The following KCNQ5 variants were observed in gnomAD, a reference collection of about 807,000 sequenced individuals.
KCNQ5 encodes potassium voltage-gated channel subfamily KQT member 5.
A neutral mutation model predicts 98.2 loss-of-function variants in KCNQ5; 30 were observed. The observed-to-expected ratio is 0.31, with a 90% CI of 0.23 to 0.41. The LOEUF (loss-of-function observed/expected upper bound fraction) is 0.41, where lower values mean the gene tolerates loss of function less well. Among genes scored for constraint, KCNQ5 ranks in the 10% least tolerant of loss-of-function variants. The pLI is 1.00. For missense variants in KCNQ5, 835 were observed against 1,182.5 expected (o/e 0.71, Z 4.31); for synonymous variants, 458 against 449.4 (o/e 1.02, Z -0.24).
chr6:72,988,359 A>G (rs1195495015), intron 1 of KCNQ5, among the ~76,000 whole-genome samples: 1 of 152,230 alleles, frequency 6.6e-6, no homozygotes, highest in Non-Finnish European at 1.5e-5. Flanking sequence ...TTGTCCCAAC[A>G]TGGATGAAAC....
intron 10 of KCNQ5, among the ~76,000 whole-genome samples, chr6:73,167,353 T>C (rs1218307739): frequency 6.6e-6 from 1 of 152,222 alleles, no homozygotes; most frequent in Non-Finnish European, 1.5e-5. Context: ...CCTGACATAT[T>C]GTAGTCACAA....
At chr6:73,055,550 A>T (rs1772446219) in intron 3 of KCNQ5, 1 of 1,450,236 alleles carries the variant, frequency 6.9e-7, no homozygotes, top group Non-Finnish European at 9.7e-7. Flanking sequence ...CTCCTGTGAG[A>T]GTCTGAAGGA....
chr6:72,711,745 G>A (rs529045175), intron 1 of KCNQ5, among the ~76,000 whole-genome samples: 2 of 152,250 alleles, frequency 1.3e-5, no homozygotes, highest in East Asian at 1.9e-4. Context: ...GGAGAGAAGC[G>A]GATTGATCTT....
intron 10 of KCNQ5, among the ~76,000 whole-genome samples, chr6:73,168,071 C>G (rs1371740586): frequency 6.6e-6 from 1 of 152,188 alleles, no homozygotes; most frequent in Non-Finnish European, 1.5e-5. Context: ...CCAAAGGGAC[C>G]TCGAAGAAGA....
intron 1 of KCNQ5, among the ~76,000 whole-genome samples, chr6:72,752,740 G>C (rs1397854922): frequency 6.6e-6 from 1 of 152,076 alleles, no homozygotes; most frequent in Non-Finnish European, 1.5e-5. Context: ...ACTAGACTAA[G>C]TTATTTTGAA....
intron 10 of KCNQ5, among the ~76,000 whole-genome samples, chr6:73,140,831 A>G (rs1264341557): frequency 6.6e-6 from 1 of 152,174 alleles, no homozygotes; most frequent in East Asian, 1.9e-4. Context: ...ATTCTGATCC[A>G]TAGGTGTCTT....
intron 1 of KCNQ5, among the ~76,000 whole-genome samples, chr6:72,635,670 G>GTTTTTTTTTTTTTTTTTTTTTTTT (rs528990234): frequency 4.6e-5 from 3 of 65,072 alleles, no homozygotes; most frequent in Admixed American, 1.6e-4. Context: ...ATTGCTCCTA[G>GTTTTTTTTTTTTTTTTTTTTTTTT]TTTTTTTTTT....
intron 1 of KCNQ5, among the ~76,000 whole-genome samples, chr6:72,810,035 G>T (rs377556980): frequency 2.7e-4 from 41 of 152,222 alleles, no homozygotes; most frequent in African/African-American, 9.9e-4. Flanking sequence ...GGCATCTCCC[G>T]ACTGCTTCAT....
intron 1 of KCNQ5, among the ~76,000 whole-genome samples, chr6:72,721,135 G>A (rs1435211385): frequency 6.6e-6 from 1 of 152,072 alleles, no homozygotes; most frequent in African/African-American, 2.4e-5. Flanking sequence ...TAAAAACTGA[G>A]ATTATAACAT....
intron 1 of KCNQ5, among the ~76,000 whole-genome samples, chr6:72,770,613 A>G (rs1772817000): frequency 6.6e-6 from 1 of 152,146 alleles, no homozygotes; most frequent in African/African-American, 2.4e-5. Flanking sequence ...GAGAAAGAAA[A>G]CATTATTCAT....
At chr6:73,056,714 T>C (rs914962329) in intron 3 of KCNQ5, among the ~76,000 whole-genome samples, 1 of 152,190 alleles carries the variant, frequency 6.6e-6, no homozygotes, top group Non-Finnish European at 1.5e-5. Context: ...TGAGCATAAC[T>C]GTACTAAATC....
At chr6:73,153,553 A>G (rs536217936) in intron 10 of KCNQ5, among the ~76,000 whole-genome samples, 1 of 152,298 alleles carries the variant, frequency 6.6e-6, no homozygotes, top group South Asian at 2.1e-4. Context: ...ACAAAAAGTA[A>G]TCAAGTTCAG....
At chr6:72,887,388 G>A (rs1295817976) in intron 1 of KCNQ5, among the ~76,000 whole-genome samples, 1 of 152,044 alleles carries the variant, frequency 6.6e-6, no homozygotes, top group Admixed American at 6.6e-5. Flanking sequence ...GCACAGGAAA[G>A]ACCCACCCCC....
At chr6:73,004,988 G>A (rs892505294) in intron 2 of KCNQ5, among the ~76,000 whole-genome samples, 1 of 152,234 alleles carries the variant, frequency 6.6e-6, no homozygotes, top group African/African-American at 2.4e-5. Context: ...TAACCTGAGA[G>A]AGGGGGCAGA....
chr6:73,044,720 G>A (rs1380421292), intron 3 of KCNQ5, among the ~76,000 whole-genome samples: 1 of 152,172 alleles, frequency 6.6e-6, no homozygotes, highest in Non-Finnish European at 1.5e-5. Flanking sequence ...GAACACTGTA[G>A]TCGCCTTGTT....
intron 2 of KCNQ5, among the ~76,000 whole-genome samples, chr6:73,024,549 T>C (rs1770788522): frequency 6.6e-6 from 1 of 152,164 alleles, no homozygotes; most frequent in Non-Finnish European, 1.5e-5. Context: ...GATTGCTCTT[T>C]CTCTTGACTC....
intron 1 of KCNQ5, among the ~76,000 whole-genome samples, chr6:72,856,276 A>G (rs1328582967): frequency 2.6e-5 from 4 of 152,164 alleles, no homozygotes; most frequent in Non-Finnish European, 4.4e-5. Context: ...TGACAATGAC[A>G]TAAGCCTCTT....
At chr6:72,710,533 G>C (rs1472417398) in intron 1 of KCNQ5, among the ~76,000 whole-genome samples, 2 of 152,024 alleles carry the variant, frequency 1.3e-5, no homozygotes, top group African/African-American at 4.8e-5. Flanking sequence ...AGAGAAGAGG[G>C]GTAGCTATAC....
At chr6:72,812,612 T>C (rs1012453869) in intron 1 of KCNQ5, among the ~76,000 whole-genome samples, 3 of 152,266 alleles carry the variant, frequency 2.0e-5, no homozygotes, top group African/African-American at 7.2e-5. Context: ...AGTGCCACTT[T>C]TGTATGAGGA....
Sources: gnomAD v4.1 joint callset for allele counts (sites outside exome capture counted in the v4.1 genomes callset) on GRCh38, gnomAD v4.1.1 for gene constraint, MANE v1.5 for transcripts, NCBI Gene and HGNC (gene_info 2026-07-23, HGNC 2026-07-21) for gene names.